RHOBTB1: variants seen among roughly 807,000 people sequenced by gnomAD.
RHOBTB1 encodes the protein rho-related BTB domain-containing protein 1.
RHOBTB1 carries 40 observed loss-of-function variants against 71.6 expected under a neutral mutation model. The observed-to-expected ratio is 0.56, with a 90% CI of 0.43 to 0.73. RHOBTB1 has a LOEUF of 0.73. Among genes scored for constraint, RHOBTB1 ranks in the 30% least tolerant of loss-of-function variants. The pLI is 0.00. For synonymous variants in RHOBTB1, 319 were observed against 334.9 expected (o/e 0.95, Z 0.52); for missense variants, 797 against 894.0 (o/e 0.89, Z 1.38).
At position 60,888,591 on chromosome 10, in the gene RHOBTB1, C is replaced by T. The variant is rs752154328; in HGVS notation, c.1077G>A (p.Leu359=). 7.4e-6 allele frequency: 12 copies of T among 1,614,072 alleles called. No homozygotes were observed. The Admixed American group carries it at 8.3e-5, about 11-fold the overall frequency. The part of the protein sequence containing the change: ...SNKSLVEALG[L]EAEGAVPETQ... ...TCTCAGGAACTGCACCCTCGGCTTCCAGCCCCAGAGCCTCCACCAGGCTCT... is the reference window on the plus strand; with the variant it reads ...TCTCAGGAACTGCACCCTCGGCTTCTAGCCCCAGAGCCTCCACCAGGCTCT... Residue 359 remains leucine, a synonymous_variant, in exon 6 of 11, where the codon CTG becomes CTA. Coordinates refer to ENST00000337910, the MANE Select transcript of RHOBTB1 (RefSeq NM_014836.5).
At chr10:60,863,439 C>T in the RHOBTB1 span, among the ~76,000 whole-genome samples, 2 of 144,436 alleles carry the variant, frequency 1.4e-5, no homozygotes, top group African/African-American at 5.4e-5. Flanking sequence ...ACAAAACTTC[C>T]ATTAGTGTGT....
chr10:60,871,423 A>T lies in RHOBTB1; in HGVS notation c.*59T>A. The T allele has an allele frequency of 6.4e-7, 1 of 1,552,834 alleles. No individual in the cohort carries two copies. Among genetic ancestry groups the T allele is most frequent in the South Asian group, 1.2e-5 (1 of 82,612 alleles). ...AGACGAATTTTATAGTAGTGCTTTG[A>T]AAAGTGGTGGATCAGATTACCGATT... On this transcript the variant is annotated 3_prime_UTR_variant, in exon 11 of 11. Transcript: ENST00000337910.
Position 60,877,890 on chromosome 10 carries a change from C to G in RHOBTB1, c.1726+18G>C, listed in dbSNP as rs1468447465. 1.2e-6 allele frequency: 2 copies of G among 1,610,278 alleles called. No homozygotes were observed. Among genetic ancestry groups the G allele is most frequent in the Admixed American group, 1.7e-5 (1 of 59,390 alleles). ...CAAATATGACAGACACTGCATGGCC[C>G]TGAGTCATCATCCTTACCTGCAAGT... On this transcript the variant is annotated intron_variant, in intron 8 of 10. Coordinates refer to ENST00000337910, the MANE Select transcript of RHOBTB1 (RefSeq NM_014836.5).
At chr10:60,897,916 G>A (rs1008418137) in intron 4 of RHOBTB1, among the ~76,000 whole-genome samples, 1 of 152,060 alleles carries the variant, frequency 6.6e-6, no homozygotes, top group Non-Finnish European at 1.5e-5. Flanking sequence ...ATGTTGGCCA[G>A]GCTGGTCTTG....
intron 2 of RHOBTB1, among the ~76,000 whole-genome samples, chr10:60,959,456 A>T (rs2085706478): frequency 6.6e-6 from 1 of 152,166 alleles, no homozygotes; most frequent in African/African-American, 2.4e-5. Context: ...ACAAGAAAGG[A>T]CTCAGACACA....
At chr10:60,867,118 G>A (rs973543927), downstream of RHOBTB1, among the ~76,000 whole-genome samples, 1 of 152,140 alleles carries the variant, frequency 6.6e-6, no homozygotes, top group South Asian at 2.1e-4. Flanking sequence ...TGAAAACTCA[G>A]TGATATCTGT....
intron 1 of RHOBTB1, among the ~76,000 whole-genome samples, chr10:60,991,856 C>A (rs2086882932): frequency 6.6e-6 from 1 of 152,138 alleles, no homozygotes; most frequent in African/African-American, 2.4e-5. Context: ...TTTTACAGAA[C>A]CTTCTAACTC....
upstream of RHOBTB1, among the ~76,000 whole-genome samples, chr10:60,948,674 G>C (rs1246392633): frequency 1.3e-5 from 2 of 152,234 alleles, no homozygotes; most frequent in Admixed American, 1.3e-4. Flanking sequence ...ACAGGGGTTT[G>C]AAGCACGAAA....
At chr10:60,961,194 C>T (rs1251817258) in intron 2 of RHOBTB1, among the ~76,000 whole-genome samples, 1 of 152,102 alleles carries the variant, frequency 6.6e-6, no homozygotes, top group East Asian at 1.9e-4. Flanking sequence ...GCAAATTACA[C>T]TCAAAATAGA....
At chr10:60,931,060 C>T (rs2084218141) in intron 2 of RHOBTB1, among the ~76,000 whole-genome samples, 1 of 152,098 alleles carries the variant, frequency 6.6e-6, no homozygotes, top group African/African-American at 2.4e-5. Flanking sequence ...AGGAAATACA[C>T]TAGAAAGCAA....
intron 2 of RHOBTB1, among the ~76,000 whole-genome samples, chr10:60,931,719 C>G (rs568299992): frequency 5.3e-5 from 8 of 151,994 alleles, no homozygotes; most frequent in African/African-American, 1.7e-4. Flanking sequence ...ATATATAAAG[C>G]ATAGAGAGCC....
At chr10:60,863,026 C>T in the RHOBTB1 span, among the ~76,000 whole-genome samples, 1 of 152,028 alleles carries the variant, frequency 6.6e-6, no homozygotes, top group Admixed American at 6.6e-5. Flanking sequence ...AGTTTACCTC[C>T]CATTTTTAGT....
At chr10:60,974,374 ATAAC>A (rs1565171075) in intron 2 of RHOBTB1, among the ~76,000 whole-genome samples, 1 of 152,110 alleles carries the variant, frequency 6.6e-6, no homozygotes, top group Non-Finnish European at 1.5e-5. Context: ...GCTTGATAAA[ATAAC>A]TATAGTTTCT....
At chr10:60,917,430 G>T (rs1483910778) in intron 2 of RHOBTB1, among the ~76,000 whole-genome samples, 2 of 152,208 alleles carry the variant, frequency 1.3e-5, no homozygotes, top group African/African-American at 2.4e-5. Context: ...AGACTAGGTG[G>T]CTTAGCCAAC....
At chr10:60,905,437 G>T (rs1383114479) in intron 4 of RHOBTB1, among the ~76,000 whole-genome samples, 1 of 101,936 alleles carries the variant, frequency 9.8e-6, no homozygotes, top group Admixed American at 1.3e-4. Flanking sequence ...GCAATAGTGA[G>T]AGACTCTTTC....
Position 60,889,089 on chromosome 10 carries a change from C to T in RHOBTB1, c.579G>A (p.Gln193=). The T allele has an allele frequency of 6.2e-7, 1 of 1,614,190 alleles. No individual in the cohort carries two copies. Among genetic ancestry groups the T allele is most frequent in the Non-Finnish European group, 8.5e-7 (1 of 1,180,026 alleles). ...TGTCAAACACATCCTTGATACCAAA[C>T]TGGTCAAACACGCTTGTTTCATAGT... The part of the protein sequence containing the change: ...LPYYETSVFD[Q]FGIKDVFDNA... The change falls in exon 6 of 11, where the codon CAG becomes CAA. Residue 193 remains glutamine, a synonymous_variant. Coordinates refer to ENST00000337910, the MANE Select transcript of RHOBTB1 (RefSeq NM_014836.5).
At chr10:60,877,146 C>T (rs2081086966) in intron 8 of RHOBTB1, 1 of 152,170 alleles carries the variant, frequency 6.6e-6, no homozygotes, top group Non-Finnish European at 1.5e-5. Context: ...GTTCATATAT[C>T]CTATGCAGAC....
chr10:60,974,536 T>A (rs1165637546), intron 2 of RHOBTB1, among the ~76,000 whole-genome samples: 5 of 152,070 alleles, frequency 3.3e-5, no homozygotes, highest in African/African-American at 1.2e-4. Context: ...TTTCTACACA[T>A]CCATCGAGAT....
At chr10:60,990,558 T>A (rs1181470090) in intron 1 of RHOBTB1, among the ~76,000 whole-genome samples, 1 of 152,212 alleles carries the variant, frequency 6.6e-6, no homozygotes, top group Non-Finnish European at 1.5e-5. Flanking sequence ...CCGTGCTCAA[T>A]AAAACACACA....
Sources: gnomAD v4.1 joint callset for allele counts (sites outside exome capture counted in the v4.1 genomes callset) on GRCh38, gnomAD v4.1.1 for gene constraint, MANE v1.5 for transcripts, NCBI Gene and HGNC (gene_info 2026-07-23, HGNC 2026-07-21) for gene names.